The following ZSWIM6 variants were observed in gnomAD, a reference collection of about 807,000 sequenced individuals.
ZSWIM6 encodes zinc finger SWIM domain-containing protein 6.
In ZSWIM6, 9 loss-of-function variants were observed where a neutral mutation model predicts 113.2. That is an observed-to-expected ratio of 0.08 (90% CI 0.05 to 0.14). The LOEUF (loss-of-function observed/expected upper bound fraction) is 0.14. Among genes scored for constraint, ZSWIM6 ranks in the 10% least tolerant of loss-of-function variants. The probability of loss-of-function intolerance (pLI) is 1.00; values close to 1 mark genes in which losing one functional copy is unlikely to be tolerated. For missense variants in ZSWIM6, 1,162 were observed against 1,552.2 expected (o/e 0.75, Z 4.22); for synonymous variants, 611 against 606.5 (o/e 1.01, Z -0.11).
chr5:61,390,401 T>TAA (rs1370100591), intron 1 of ZSWIM6, among the ~76,000 whole-genome samples: 1 of 152,178 alleles, frequency 6.6e-6, no homozygotes, highest in African/African-American at 2.4e-5. Context: ...TCAGATACCT[T>TAA]ATTCCTCCAG....
chr5:61,539,544 G>T (rs1346617157), intron 11 of ZSWIM6, 52 bp from the exon 12 acceptor site: 1 of 1,512,216 alleles, frequency 6.6e-7, no homozygotes, highest in African/African-American at 1.4e-5. Flanking sequence ...TTATTTGTTT[G>T]TCTTGCTTTG....
rs983927222 is a variant in ZSWIM6, at chr5:61,391,903, A to C, written c.676+58955A>C. 8 of 584,260 alleles carry C rather than the reference A, an allele frequency of 1.4e-5. No homozygotes were observed. The Admixed American group carries it at 2.6e-4, about 19-fold the overall frequency. 36.2% of individuals were successfully genotyped at this position (584,260 alleles called of 1,614,324 possible). A position where few individuals can be genotyped will look rare whatever the true frequency, so the allele number is the denominator to read the frequency against. On this transcript the variant is annotated intron_variant, in intron 1 of 13. Transcript: ENST00000252744. ...ATCAAATCCTGCCGGTAGAGCAAAAAATGGTATTTTCAAAACTTTTTGAGC... is the reference window on the plus strand; with the variant it reads ...ATCAAATCCTGCCGGTAGAGCAAAACATGGTATTTTCAAAACTTTTTGAGC...
At chr5:61,522,488 G>GT (rs1284757728) in intron 5 of ZSWIM6, among the ~76,000 whole-genome samples, 2 of 152,172 alleles carry the variant, frequency 1.3e-5, no homozygotes, top group African/African-American at 4.8e-5. Flanking sequence ...TGAATGTGAT[G>GT]TTAGTATAGT....
chr5:61,527,195 G>C (rs1749309849), intron 7 of ZSWIM6, among the ~76,000 whole-genome samples: 1 of 152,132 alleles, frequency 6.6e-6, no homozygotes, highest in African/African-American at 2.4e-5. Context: ...ATAAAGAAAT[G>C]TATATGCTTT....
intron 1 of ZSWIM6, among the ~76,000 whole-genome samples, chr5:61,445,858 A>T (rs962278601): frequency 6.6e-6 from 1 of 152,194 alleles, no homozygotes; most frequent in Admixed American, 6.5e-5. Context: ...TGTTATCCAG[A>T]GCCTAGAAAC....
intron 1 of ZSWIM6, among the ~76,000 whole-genome samples, chr5:61,376,020 T>TA (rs1745368541): frequency 9.4e-6 from 1 of 106,052 alleles, no homozygotes; most frequent in South Asian, 3.8e-4. Context: ...GAAAGGGCCA[T>TA]AAATGTTGCC....
Position 61,391,253 on chromosome 5 carries a change from C to T in ZSWIM6, c.676+58305C>T, listed in dbSNP as rs923546980. The T allele has an allele frequency of 1.7e-5, 15 of 899,004 alleles. No homozygotes were observed. The East Asian group carries it at 3.1e-4, about 19-fold the overall frequency. 55.7% of individuals were successfully genotyped at this position (899,004 alleles called of 1,614,324 possible). On this transcript the variant is annotated intron_variant, in intron 1 of 13. Transcript: ENST00000252744. ...TTGTCCTGCTCAAACACTTGGTTCA[C>T]AGGTACCTGCTGCTCAAGCCTCTCG... is the stretch of plus-strand genomic sequence containing the variant.
intron 1 of ZSWIM6, among the ~76,000 whole-genome samples, chr5:61,334,768 T>C (rs1744355082): frequency 6.6e-6 from 1 of 152,224 alleles, no homozygotes; most frequent in Non-Finnish European, 1.5e-5. Flanking sequence ...TTCCTAGTTA[T>C]ACCTTTTTTT....
intron 1 of ZSWIM6, among the ~76,000 whole-genome samples, chr5:61,356,681 A>G (rs1005973940): frequency 1.0e-3 from 148 of 142,256 alleles, no homozygotes; most frequent in Non-Finnish European, 1.9e-3. Context: ...TATATAACAT[A>G]ATATATAATA....
intron 1 of ZSWIM6, among the ~76,000 whole-genome samples, chr5:61,431,141 G>A (rs1289589342): frequency 1.3e-5 from 2 of 152,050 alleles, no homozygotes; most frequent in South Asian, 2.1e-4. Flanking sequence ...GGAGGCCGAG[G>A]TGGGTGGATC....
At chr5:61,427,607 T>G (rs1027583653) in intron 1 of ZSWIM6, among the ~76,000 whole-genome samples, 5 of 152,120 alleles carry the variant, frequency 3.3e-5, no homozygotes, top group African/African-American at 1.2e-4. Context: ...GCCTCCCAAG[T>G]AGGTGGGACT....
At chr5:61,376,395 T>C (rs919519378) in intron 1 of ZSWIM6, among the ~76,000 whole-genome samples, 1 of 151,936 alleles carries the variant, frequency 6.6e-6, no homozygotes, top group African/African-American at 2.4e-5. Context: ...GTGCCTTTGA[T>C]CCTCACACAT....
intron 1 of ZSWIM6, among the ~76,000 whole-genome samples, chr5:61,396,455 C>T (rs1202815512): frequency 1.4e-5 from 2 of 148,100 alleles, no homozygotes; most frequent in East Asian, 2.0e-4. Flanking sequence ...TCACTTGAAC[C>T]GGGAGGCAGA....
At chr5:61,539,965 C>T (rs1749686459) in intron 12 of ZSWIM6, among the ~76,000 whole-genome samples, 1 of 152,002 alleles carries the variant, frequency 6.6e-6, no homozygotes, top group South Asian at 2.1e-4. Context: ...ATGGACTGTA[C>T]ATTTAGCAGC....
At chr5:61,449,251 T>C (rs1747033951) in intron 1 of ZSWIM6, among the ~76,000 whole-genome samples, 1 of 152,250 alleles carries the variant, frequency 6.6e-6, no homozygotes, top group African/African-American at 2.4e-5. Flanking sequence ...GTTTGAGTTC[T>C]AGGCCCAATT....
At position 61,543,555 on chromosome 5, in the gene ZSWIM6, C is replaced by T; in HGVS notation, c.2886C>T (p.Thr962=). 6.4e-7 allele frequency: 1 copy of T among 1,551,664 alleles called. No homozygotes were observed. The highest frequency in any genetic ancestry group is 8.7e-7 in the Non-Finnish European group (1 of 1,146,998). The part of the protein sequence containing the change: ...IVATTVMSNS[T]IVRLHLDCHQ... ...CAACTACCGTGATGTCCAACAGCACCATCGTCCGCCTCCACCTGGACTGCC... is the reference window on the plus strand; with the variant it reads ...CAACTACCGTGATGTCCAACAGCACTATCGTCCGCCTCCACCTGGACTGCC... Residue 962 remains threonine (T), a synonymous_variant, in exon 14 of 14, where the codon ACC becomes ACT. Transcript: ENST00000252744. The surrounding 1 kb of genome is among the most constrained non-coding windows in gnomAD (Gnocchi z 4.3).
chr5:61,411,999 T>C (rs181494963), intron 1 of ZSWIM6, among the ~76,000 whole-genome samples: 1 of 152,324 alleles, frequency 6.6e-6, no homozygotes, highest in East Asian at 1.9e-4. Flanking sequence ...AAATAACCAA[T>C]GTAACCACAA....
intron 1 of ZSWIM6, among the ~76,000 whole-genome samples, chr5:61,433,363 A>G (rs1400515957): frequency 6.6e-6 from 1 of 151,590 alleles, no homozygotes; most frequent in Non-Finnish European, 1.5e-5. Context: ...TTGTGTGTGC[A>G]TGTGTGTGTG....
chr5:61,483,179 G>T (rs149722806), intron 2 of ZSWIM6, among the ~76,000 whole-genome samples: 2,492 of 152,250 alleles, frequency 0.016, 27 homozygotes, highest in Non-Finnish European at 0.026. Context: ...TGGGCACAGG[G>T]CGTTGCGTGG....
Sources: gnomAD v4.1 joint callset for allele counts (sites outside exome capture counted in the v4.1 genomes callset) on GRCh38, gnomAD v4.1.1 for gene constraint, Gnocchi (gnomAD v3.1) non-coding constraint, MANE v1.5 for transcripts, NCBI Gene and HGNC (gene_info 2026-07-23, HGNC 2026-07-21) for gene names.